Variants in MTREX observed in about 807,000 individuals in gnomAD.
The protein encoded by MTREX is exosome RNA helicase MTR4.
MTREX carries 76 observed loss-of-function variants against 135.4 expected under a neutral mutation model. The ratio of observed to expected loss-of-function variants is 0.56; its 90% confidence interval spans 0.47 to 0.68. MTREX has a LOEUF of 0.68. Ranked by LOEUF, MTREX falls within the 30% of genes least tolerant of loss-of-function variation. MTREX has a pLI of 0.00. For missense variants in MTREX, 920 were observed against 1,262.1 expected (o/e 0.73, Z 4.11); for synonymous variants, 404 against 401.6 (o/e 1.01, Z -0.07).
At chr5:55,320,204 C>T (rs1306190658) in intron 1 of MTREX, among the ~76,000 whole-genome samples, 1 of 151,454 alleles carries the variant, frequency 6.6e-6, no homozygotes, top group Non-Finnish European at 1.5e-5. Flanking sequence ...ATTGTTTTAC[C>T]CTTTATTAAA....
intron 5 of MTREX, among the ~76,000 whole-genome samples, chr5:55,330,150 C>G (rs1450336857): frequency 6.6e-6 from 1 of 152,016 alleles, no homozygotes; most frequent in Non-Finnish European, 1.5e-5. Context: ...ACAAACAGAG[C>G]TCATTTGCAT....
intron 14 of MTREX, among the ~76,000 whole-genome samples, chr5:55,353,786 AAAG>A (rs1448182787): frequency 1.3e-5 from 2 of 152,228 alleles, no homozygotes; most frequent in Non-Finnish European, 2.9e-5. Context: ...CTTCAAAAAA[AAAG>A]AGATTCCTTT....
chr5:55,337,265 C>T (rs983272885), intron 5 of MTREX, among the ~76,000 whole-genome samples: 1 of 151,950 alleles, frequency 6.6e-6, no homozygotes, highest in Non-Finnish European at 1.5e-5. Flanking sequence ...GGAGTACAGA[C>T]GTGCGCTACC....
chr5:55,318,390 T>C (rs1454892143), intron 1 of MTREX, among the ~76,000 whole-genome samples: 1 of 151,980 alleles, frequency 6.6e-6, no homozygotes, highest in African/African-American at 2.4e-5. Context: ...CAATGACAGA[T>C]TGGATAAAGA....
chr5:55,353,341 C>A, intron 14 of MTREX, 72 bp downstream of exon 14: 2 of 939,564 alleles, frequency 2.1e-6, no homozygotes, highest in African/African-American at 1.7e-5. Flanking sequence ...CTTACATAGT[C>A]TTTGAGATTT....
In MTREX at chr5:55,324,118, C is replaced by A; in HGVS notation, c.273-14C>A. On this transcript the variant is annotated splice_polypyrimidine_tract_variant and intron_variant, in intron 2 of 26. Transcript: ENST00000230640. ...TAATTTGTTTTTGTGTAACTTTAAA[C>A]AATTCTTTTTAAGTTTGGCAGACCT... The A allele has an allele frequency of 6.3e-7, 1 of 1,596,622 alleles. No homozygotes were observed. The highest frequency in any genetic ancestry group is 8.6e-7 in the Non-Finnish European group (1 of 1,167,302).
intron 19 of MTREX, among the ~76,000 whole-genome samples, chr5:55,391,667 C>T (rs1750569879): frequency 6.6e-6 from 1 of 152,102 alleles, no homozygotes; most frequent in African/African-American, 2.4e-5. Flanking sequence ...TCCTGAGGGG[C>T]CTAAAAGAGC....
At chr5:55,350,711 A>G (rs764165244) in intron 12 of MTREX, among the ~76,000 whole-genome samples, 4 of 152,230 alleles carry the variant, frequency 2.6e-5, no homozygotes, top group African/African-American at 7.2e-5. Flanking sequence ...TATACTTACT[A>G]TATGCCTTTC....
chr5:55,383,596 A>G (rs1750432196), intron 18 of MTREX, among the ~76,000 whole-genome samples: 1 of 151,692 alleles, frequency 6.6e-6, no homozygotes, highest in Admixed American at 6.6e-5. Flanking sequence ...CTGCTTTAAG[A>G]TTTTCTCTTT....
chr5:55,360,855 T>C (rs914450873), intron 15 of MTREX, among the ~76,000 whole-genome samples: 7 of 152,234 alleles, frequency 4.6e-5, no homozygotes, highest in African/African-American at 7.2e-5. Flanking sequence ...CTAATACTTA[T>C]TGAATATTCA....
chr5:55,355,176 G>C (rs1749890807), intron 14 of MTREX, among the ~76,000 whole-genome samples: 1 of 152,136 alleles, frequency 6.6e-6, no homozygotes, highest in African/African-American at 2.4e-5. Flanking sequence ...AGGACAGTGG[G>C]TGTGCATGAT....
At chr5:55,314,762 A>G (rs1290948943) in intron 1 of MTREX, among the ~76,000 whole-genome samples, 5 of 152,200 alleles carry the variant, frequency 3.3e-5, no homozygotes, top group Non-Finnish European at 7.4e-5. Flanking sequence ...TTCATGGAAG[A>G]CAGTTTTTCC....
At chr5:55,314,104 A>C (rs1378390858) in intron 1 of MTREX, among the ~76,000 whole-genome samples, 2 of 152,046 alleles carry the variant, frequency 1.3e-5, no homozygotes, top group African/African-American at 2.4e-5. Context: ...TGTTTTGTAG[A>C]AGTCTGTTTC....
chr5:55,310,798 A>C (rs533414433), intron 1 of MTREX, among the ~76,000 whole-genome samples: 3 of 152,270 alleles, frequency 2.0e-5, no homozygotes, highest in African/African-American at 7.2e-5. Flanking sequence ...TACCTTTTAG[A>C]GATGGGGTCT....
intron 17 of MTREX, 47 bp from the exon 18 acceptor site, chr5:55,379,080 G>A: frequency 7.5e-7 from 1 of 1,333,126 alleles, no homozygotes; most frequent in South Asian, 1.2e-5. Context: ...AAATTGCCTT[G>A]TAGATATACA....
At chr5:55,420,905 T>TA (rs1404096691) in intron 25 of MTREX, among the ~76,000 whole-genome samples, 2 of 152,202 alleles carry the variant, frequency 1.3e-5, no homozygotes, top group African/African-American at 4.8e-5. Context: ...AACCTGAATA[T>TA]AAAAAAGGGC....
chr5:55,422,829 G>A (rs746416784), intron 25 of MTREX, 49 bp from the exon 26 acceptor site: 76 of 1,494,940 alleles, frequency 5.1e-5, no homozygotes, highest in Admixed American at 3.7e-5. Context: ...AAATTCTGCT[G>A]TTCCTGATTA....
At chr5:55,312,354 C>T (rs911931099) in intron 1 of MTREX, among the ~76,000 whole-genome samples, 2 of 151,694 alleles carry the variant, frequency 1.3e-5, no homozygotes, top group South Asian at 2.1e-4. Context: ...GATTATGTTT[C>T]GTTTCTGGGT....
At position 55,400,275 on chromosome 5, in the gene MTREX, C is replaced by T. The variant is rs1004507672; in HGVS notation, c.2335C>T (p.Pro779Ser). 1.9e-6 allele frequency: 3 copies of T among 1,604,186 alleles called. No homozygotes were observed. The highest frequency in any genetic ancestry group is 2.6e-6 in the Non-Finnish European group (3 of 1,175,560). ...RFPDGIPLLD[P>S]IDDMGIQDQG... Reference sequence around the variant, plus strand: ...TCCTGACGGCATCCCCTTATTAGACCCTATTGATGATATGGGCATTCAAGA... The same window carrying T: ...TCCTGACGGCATCCCCTTATTAGACTCTATTGATGATATGGGCATTCAAGA... Residue 779 changes from proline to serine, a missense_variant, in exon 21 of 27, where the codon CCT (proline) becomes TCT (serine). Coordinates refer to ENST00000230640, the MANE Select transcript of MTREX (RefSeq NM_015360.5).
Sources: allele counts gnomAD v4.1 joint callset (sites outside exome capture counted in the v4.1 genomes callset), GRCh38; gene constraint gnomAD v4.1.1; transcripts MANE v1.5; gene names NCBI Gene and HGNC (gene_info 2026-07-23, HGNC 2026-07-21).